DNAJC5B: variants seen among roughly 807,000 people sequenced by gnomAD.
DNAJC5B encodes the protein dnaJ homolog subfamily C member 5B.
A neutral mutation model predicts 24.7 loss-of-function variants in DNAJC5B; 23 were observed. That is an observed-to-expected ratio of 0.93 (90% CI 0.67 to 1.32). The LOEUF is 1.32. Ranked by LOEUF, DNAJC5B falls within the 40% of genes most tolerant of loss-of-function variation. DNAJC5B has a pLI of 0.00. For synonymous variants in DNAJC5B, 101 were observed against 90.1 expected (o/e 1.12, Z -0.68); for missense variants, 238 against 240.8 (o/e 0.99, Z 0.08).
Position 66,076,709 on chromosome 8 carries a change from G to A in DNAJC5B, c.169G>A (p.Ala57Thr). ...AGACAAGAATCCAGATGATCCAGCT[G>A]CTACTGAGAAGTTTAAAGAAATCAA... The part of the protein sequence containing the change: ...HPDKNPDDPA[A>T]TEKFKEINNA... Residue 57 changes from alanine (A) to threonine (T), a missense_variant, in exon 4 of 6, where the codon GCT (alanine) becomes ACT (threonine). By Grantham distance (58) the Ala-to-Thr change is moderately conservative (BLOSUM62 0). Transcript: ENST00000276570. 6.2e-7 allele frequency: 1 copy of A among 1,614,154 alleles called. No homozygotes were observed. Among genetic ancestry groups the A allele is most frequent in the South Asian group, 1.1e-5 (1 of 91,080 alleles).
upstream of DNAJC5B, among the ~76,000 whole-genome samples, chr8:66,020,594 C>G (rs983947690): frequency 2.0e-4 from 26 of 132,350 alleles, no homozygotes; most frequent in Non-Finnish European, 3.8e-4. Context: ...AATCAATACT[C>G]TGTGTGTGTG....
chr8:66,027,315 G>A (rs1185389571), intron 1 of DNAJC5B, among the ~76,000 whole-genome samples: 1 of 152,186 alleles, frequency 6.6e-6, no homozygotes, highest in Non-Finnish European at 1.5e-5. Flanking sequence ...CCTCCAATAT[G>A]ACAAGTACAC....
At chr8:66,078,647 A>G (rs1300863667) in intron 4 of DNAJC5B, among the ~76,000 whole-genome samples, 1 of 152,244 alleles carries the variant, frequency 6.6e-6, no homozygotes, top group Non-Finnish European at 1.5e-5. Flanking sequence ...TGGCTCAAGA[A>G]CACTGCACAG....
intron 3 of DNAJC5B, among the ~76,000 whole-genome samples, chr8:66,070,106 C>T (rs1261049436): frequency 6.6e-6 from 1 of 152,160 alleles, no homozygotes; most frequent in African/African-American, 2.4e-5. Context: ...CAATATCATA[C>T]TGAATGGGCA....
At chr8:66,066,520 A>G in intron 3 of DNAJC5B, among the ~76,000 whole-genome samples, 1 of 152,252 alleles carries the variant, frequency 6.6e-6, no homozygotes, top group East Asian at 1.9e-4. Context: ...AAAATGTGAT[A>G]TATATACATC....
intron 5 of DNAJC5B, among the ~76,000 whole-genome samples, chr8:66,087,547 G>C (rs912896707): frequency 1.3e-5 from 2 of 152,118 alleles, no homozygotes; most frequent in Non-Finnish European, 2.9e-5. Context: ...TCTGAGACAA[G>C]GCACATCCCT....
At chr8:66,075,748 T>G (rs1586103835) in intron 3 of DNAJC5B, among the ~76,000 whole-genome samples, 1 of 152,366 alleles carries the variant, frequency 6.6e-6, no homozygotes, top group African/African-American at 2.4e-5. Flanking sequence ...GCTGAGCTCC[T>G]TAAATATTCA....
intron 3 of DNAJC5B, among the ~76,000 whole-genome samples, chr8:66,064,563 A>G (rs1350612187): frequency 6.6e-6 from 1 of 152,232 alleles, no homozygotes; most frequent in African/African-American, 2.4e-5. Flanking sequence ...TGGCCTGAAG[A>G]AAAACCACAA....
At chr8:66,064,231 T>G (rs1807141811) in intron 3 of DNAJC5B, among the ~76,000 whole-genome samples, 2 of 152,130 alleles carry the variant, frequency 1.3e-5, no homozygotes, top group South Asian at 4.1e-4. Flanking sequence ...GACGTAAAGA[T>G]CAGAGGATAA....
intron 3 of DNAJC5B, among the ~76,000 whole-genome samples, chr8:66,055,440 T>C (rs1457559549): frequency 1.3e-5 from 2 of 152,270 alleles, no homozygotes; most frequent in Admixed American, 6.5e-5. Flanking sequence ...AATATTTGGC[T>C]GTGCTCTTGA....
At chr8:66,072,681 TAAAATATCTATAA>T (rs1807376020) in intron 3 of DNAJC5B, among the ~76,000 whole-genome samples, 1 of 152,156 alleles carries the variant, frequency 6.6e-6, no homozygotes, top group Admixed American at 6.6e-5. Flanking sequence ...ATTAAAATTA[TAAAATATCTATAA>T]TTCAGTGCTA....
chr8:66,094,723 G>A (rs949667166), intron 5 of DNAJC5B, among the ~76,000 whole-genome samples: 1 of 152,000 alleles, frequency 6.6e-6, no homozygotes, highest in African/African-American at 2.4e-5. Flanking sequence ...TACTTTCAGG[G>A]TTGCATCATA....
rs767075104 is a variant in DNAJC5B, at chr8:66,076,650, A to C, written c.120-10A>C. 2 of 1,613,072 alleles carry C rather than the reference A, an allele frequency of 1.2e-6. No individual in the cohort carries two copies. The highest frequency in any genetic ancestry group is 2.7e-5 in the African/African-American group (2 of 74,730). On this transcript the variant is annotated splice_polypyrimidine_tract_variant and intron_variant, in intron 3 of 5. Coordinates refer to ENST00000276570, the MANE Select transcript of DNAJC5B (RefSeq NM_033105.6). ...AACACACTCTCCTTGTTTTTCTTTT[A>C]TTTTAAAAGAAAATTGGCCCTGAAA...
At chr8:66,096,171 G>C (rs939451176) in intron 5 of DNAJC5B, among the ~76,000 whole-genome samples, 2 of 152,096 alleles carry the variant, frequency 1.3e-5, no homozygotes, top group Admixed American at 6.5e-5. Flanking sequence ...CCCTCTTCTT[G>C]TTTTGTAGCT....
At chr8:66,080,275 G>A (rs7005882) in intron 4 of DNAJC5B, 102 bp from the exon 5 acceptor site, 2 of 1,505,350 alleles carry the variant, frequency 1.3e-6, no homozygotes, top group Admixed American at 4.0e-5. Flanking sequence ...ACTGTGAAGT[G>A]TTCAGGTCTC....
upstream of DNAJC5B, among the ~76,000 whole-genome samples, chr8:66,020,592 CTCTGTG>C (rs1470339159): frequency 3.1e-3 from 423 of 136,194 alleles, 2 homozygotes; most frequent in Non-Finnish European, 5.5e-3. Context: ...GTAATCAATA[CTCTGTG>C]TGTGTGTGTG....
At chr8:66,083,403 G>A (rs528612348) in intron 5 of DNAJC5B, among the ~76,000 whole-genome samples, 22 of 152,220 alleles carry the variant, frequency 1.4e-4, no homozygotes, top group African/African-American at 4.8e-4. Context: ...AATTAGAAAA[G>A]TTTATTTCAG....
intron 1 of DNAJC5B, among the ~76,000 whole-genome samples, chr8:66,033,180 TG>T (rs1318116373): frequency 3.9e-5 from 6 of 152,226 alleles, no homozygotes; most frequent in Non-Finnish European, 7.3e-5. Context: ...GAGGTGGCCT[TG>T]CAGGAAGGCA....
chr8:66,097,838 T>G (rs1807986760), intron 5 of DNAJC5B, among the ~76,000 whole-genome samples: 1 of 152,130 alleles, frequency 6.6e-6, no homozygotes, highest in Admixed American at 6.6e-5. Context: ...TAAGATTGCT[T>G]TTAATATCCT....
Sources: allele counts gnomAD v4.1 joint callset (sites outside exome capture counted in the v4.1 genomes callset), GRCh38; gene constraint gnomAD v4.1.1; transcripts MANE v1.5; gene names NCBI Gene and HGNC (gene_info 2026-07-23, HGNC 2026-07-21).